Variants in VPS13C observed in about 807,000 individuals in gnomAD.
VPS13C encodes intermembrane lipid transfer protein VPS13C.
Under a neutral mutation model 456.8 loss-of-function variants are expected in VPS13C, and 358 were observed. That is an observed-to-expected ratio of 0.78 (90% CI 0.72 to 0.86). The LOEUF is 0.86. VPS13C is among the 40% of genes least tolerant of loss of function. The pLI is 0.00. For synonymous variants in VPS13C, 1,578 were observed against 1,486.7 expected, an observed-to-expected ratio of 1.06 and a Z score of -1.41; for missense variants, 4,818 against 4,385.4, an observed-to-expected ratio of 1.10 and a Z score of -2.79.
chr15:61,949,164 A>G (rs181938522), intron 42 of VPS13C, among the ~76,000 whole-genome samples: 7 of 152,318 alleles, frequency 4.6e-5, no homozygotes, highest in Non-Finnish European at 7.4e-5. Flanking sequence ...ACTGAAGACT[A>G]CAAAGACACA....
intron 68 of VPS13C, 100 bp downstream of exon 68, chr15:61,884,028 C>T: frequency 1.8e-6 from 2 of 1,095,988 alleles, no homozygotes; most frequent in Non-Finnish European, 2.5e-6. Flanking sequence ...TAAATAAGTT[C>T]ATTTCTGCAC....
At chr15:61,914,116 G>A (rs1224364706) in intron 61 of VPS13C, among the ~76,000 whole-genome samples, 1 of 152,102 alleles carries the variant, frequency 6.6e-6, no homozygotes, top group Non-Finnish European at 1.5e-5. Context: ...GACAACTAGA[G>A]GTCAGACACA....
intron 1 of VPS13C, among the ~76,000 whole-genome samples, chr15:62,058,703 T>G (rs1223061797): frequency 1.3e-5 from 2 of 152,228 alleles, no homozygotes; most frequent in Non-Finnish European, 2.9e-5. Context: ...ACCAAGGGAC[T>G]ATTGTATTGT....
At chr15:61,960,816 C>T (rs113838369) in intron 35 of VPS13C, among the ~76,000 whole-genome samples, 1 of 152,294 alleles carries the variant, frequency 6.6e-6, no homozygotes, top group African/African-American at 2.4e-5. Context: ...TGGCTCATGC[C>T]TGTAATCTCA....
intron 66 of VPS13C, among the ~76,000 whole-genome samples, chr15:61,900,637 A>G (rs1171856376): frequency 6.6e-6 from 1 of 151,638 alleles, no homozygotes; most frequent in East Asian, 1.9e-4. Context: ...AGAACATTCC[A>G]TGCTCATGGG....
At chr15:61,965,833 C>T (rs2045359759) in intron 30 of VPS13C, among the ~76,000 whole-genome samples, 1 of 151,830 alleles carries the variant, frequency 6.6e-6, no homozygotes, top group African/African-American at 2.4e-5. Context: ...GTTCTTTTGT[C>T]TACAGCATTC....
In VPS13C at chr15:62,060,354, G is replaced by C. The variant is rs1184977825; in HGVS notation, c.21C>G (p.Val7=). 6.2e-6 allele frequency: 10 copies of C among 1,601,024 alleles called. No homozygotes were observed. In the East Asian group the frequency reaches 2.3e-4, roughly 36 times the overall value. The change falls in exon 1 of 85, where the codon GTC becomes GTG. Residue 7 remains valine, a synonymous_variant. Transcript: ENST00000644861. Reference sequence around the variant, plus strand: ...CCAGGAAGCGGTTCAGCAAGTCCGCGACCACCGACTCCAGCACCATGGTGG... The same window carrying C: ...CCAGGAAGCGGTTCAGCAAGTCCGCCACCACCGACTCCAGCACCATGGTGG... The part of the protein sequence containing the change: MVLESV[V]ADLLNRFLGD...
intron 53 of VPS13C, among the ~76,000 whole-genome samples, chr15:61,925,162 A>G (rs889290209): frequency 1.3e-5 from 2 of 151,282 alleles, no homozygotes; most frequent in African/African-American, 2.4e-5. Flanking sequence ...TTCCCACCCC[A>G]TATCTCTTCC....
At chr15:61,972,518 CAG>C (rs1446400660) in intron 27 of VPS13C, 105 bp downstream of exon 27, 1 of 1,229,772 alleles carries the variant, frequency 8.1e-7, no homozygotes, top group African/African-American at 1.5e-5. Context: ...GCAGGAAAGA[CAG>C]AGTACCACAT....
At position 61,927,316 on chromosome 15, in the gene VPS13C, G is replaced by C. The variant is rs1403332079; in HGVS notation, c.6291C>G (p.Asp2097Glu). ...ATGKVKIEKD[D>E]SVRPNMTLKA... ...TTAAAGTCATATTTGGTCTAACAGA[G>C]TCATCTGAAGAAACAAGCAACAGGA... is the stretch of plus-strand genomic sequence containing the variant. Residue 2097 changes from aspartate (D) to glutamate (E), a missense_variant, in exon 52 of 85, where the codon GAC (aspartate) becomes GAG (glutamate). By Grantham distance (45) the Asp-to-Glu change is conservative. This residue lies in a region of VPS13C where 4,552 missense variants were observed against 4,130.6 expected (regional missense o/e 1.10). Transcript: ENST00000644861. 1.9e-6 allele frequency: 3 copies of C among 1,611,074 alleles called. No homozygotes were observed. The East Asian group carries it at 6.7e-5, about 36-fold the overall frequency.
At chr15:61,918,868 T>C (rs1466617447) in intron 58 of VPS13C, among the ~76,000 whole-genome samples, 1 of 152,122 alleles carries the variant, frequency 6.6e-6, no homozygotes, top group Non-Finnish European at 1.5e-5. Context: ...GATGCTAAAA[T>C]GTTTTTCAGA....
chr15:61,949,946 G>A (rs1282656756), intron 41 of VPS13C, among the ~76,000 whole-genome samples: 1 of 152,284 alleles, frequency 6.6e-6, no homozygotes. Flanking sequence ...GTCCAGTACA[G>A]GTAATGCTTG....
At chr15:61,962,630 TA>T (rs1381642901) in intron 33 of VPS13C, 92 bp from the exon 34 acceptor site, 16 of 1,363,028 alleles carry the variant, frequency 1.2e-5, no homozygotes, top group Middle Eastern at 2.2e-4. Flanking sequence ...ATAATCTTTA[TA>T]AAAAAATTTT....
intron 1 of VPS13C, among the ~76,000 whole-genome samples, chr15:62,052,463 C>A (rs1382587934): frequency 1.3e-5 from 2 of 151,896 alleles, no homozygotes; most frequent in Non-Finnish European, 2.9e-5. Flanking sequence ...ATCACAAGGT[C>A]AGGAGATCAA....
chr15:61,927,097 A>T lies in VPS13C; in HGVS notation c.6510T>A (p.Ile2170=), dbSNP rs775142285. ...PFLREKRGKN[I]TTVLQPCSLF... ...GACACAAGGTAATTCTTACTGTGGT[A>T]ATGTTTTTCCCTCTCTTTTCTCTGA... Residue 2170 remains isoleucine (I), a synonymous_variant, in exon 52 of 85, where the codon ATT becomes ATA. Coordinates refer to ENST00000644861, the MANE Select transcript of VPS13C (RefSeq NM_020821.3). 6.2e-7 allele frequency: 1 copy of T among 1,613,662 alleles called. No individual in the cohort carries two copies. The highest frequency in any genetic ancestry group is 2.2e-5 in the East Asian group (1 of 44,894).
intron 15 of VPS13C, among the ~76,000 whole-genome samples, chr15:62,006,066 T>TTTTTTG (rs2046829385): frequency 6.7e-6 from 1 of 149,712 alleles, no homozygotes; most frequent in South Asian, 2.1e-4. Context: ...TAAAAGCTGT[T>TTTTTTG]TTTTTGTTTT....
chr15:61,981,274 A>G lies in VPS13C; in HGVS notation c.2166+68T>C. ...AGTGAACTCTGAAGAAAAAAACAGC[A>G]AACTGTTGGAGAGTTAGCTAGCAAG... On this transcript the variant is annotated intron_variant, in intron 22 of 84. Coordinates refer to ENST00000644861, the MANE Select transcript of VPS13C (RefSeq NM_020821.3). The G allele has an allele frequency of 4.1e-6, 6 of 1,467,092 alleles. No individual in the cohort carries two copies. In the South Asian group the frequency reaches 5.9e-5, roughly 14 times the overall value. 90.9% of individuals were successfully genotyped at this position (1,467,092 alleles called of 1,614,324 possible).
rs1316544244 is a variant in VPS13C at position 62,012,049 on chromosome 15, A to G, written c.883+58T>C. 2.1e-5 allele frequency: 22 copies of G among 1,040,936 alleles called. 1 individual carries two copies. The highest frequency in any genetic ancestry group is 3.2e-5 in the Non-Finnish European group (22 of 696,416). 64.5% of individuals were successfully genotyped at this position (1,040,936 alleles called of 1,614,324 possible). ...TTTATCAGAAAACTATGTTAAAATAATGTATTTAATTCTATGTTTCTTCCT... is the reference window on the plus strand; with the variant it reads ...TTTATCAGAAAACTATGTTAAAATAGTGTATTTAATTCTATGTTTCTTCCT... On this transcript the variant is annotated intron_variant, in intron 12 of 84. Coordinates refer to ENST00000644861, the MANE Select transcript of VPS13C (RefSeq NM_020821.3).
intron 80 of VPS13C, among the ~76,000 whole-genome samples, chr15:61,869,243 G>A (rs1184096939): frequency 4.6e-5 from 7 of 150,786 alleles, no homozygotes; most frequent in East Asian, 2.0e-4. Flanking sequence ...TCAGCCTCCC[G>A]AGTAGCTAGG....
Sources: allele counts gnomAD v4.1 joint callset (sites outside exome capture counted in the v4.1 genomes callset), GRCh38; gene constraint gnomAD v4.1.1; regional missense constraint gnomAD v4.1.1; transcripts MANE v1.5; gene names NCBI Gene and HGNC (gene_info 2026-07-23, HGNC 2026-07-21).